The following WDR49 variants were observed in gnomAD, a reference collection of about 807,000 sequenced individuals.
WDR49 encodes the protein cilia- and flagella-associated protein 337.
A neutral mutation model predicts 119.5 loss-of-function variants in WDR49; 107 were observed. That is an observed-to-expected ratio of 0.90 (90% CI 0.77 to 1.05). WDR49 has a LOEUF of 1.05. Ranked by LOEUF, WDR49 falls within the 50% of genes least tolerant of loss-of-function variation. WDR49 has a pLI of 0.00. For missense variants in WDR49, 1,240 were observed against 1,220.5 expected (o/e 1.02, Z -0.24); for synonymous variants, 425 against 418.8 (o/e 1.01, Z -0.18).
intron 18 of WDR49, among the ~76,000 whole-genome samples, chr3:167,492,863 G>A (rs944919195): frequency 1.5e-5 from 2 of 133,514 alleles, no homozygotes; most frequent in South Asian, 2.4e-4. Context: ...ATAACTTATC[G>A]GGTATAAAAC....
chr3:167,641,623 G>C (rs931465448), intron 2 of WDR49, among the ~76,000 whole-genome samples: 1 of 151,838 alleles, frequency 6.6e-6, no homozygotes, highest in Admixed American at 6.6e-5. Context: ...TAACTTGGAA[G>C]TCCTATGTAG....
rs183184282 is a variant in WDR49, at chr3:167,500,341, G to C, written c.2885-42C>G. On this transcript the variant is annotated intron_variant, in intron 17 of 18. Transcript: ENST00000682715. ...TTTAGAGGAAGACAGGGAGAAAAAG[G>C]GTACAATATCATTAACTCCTTGGAA... The C allele has an allele frequency of 2.1e-5, 34 of 1,592,220 alleles. 1 individual carries two copies. In the Admixed American group the frequency reaches 3.2e-4, roughly 15 times the overall value.
intron 5 of WDR49, among the ~76,000 whole-genome samples, chr3:167,618,753 A>G (rs1183786219): frequency 6.6e-6 from 1 of 152,182 alleles, no homozygotes. Flanking sequence ...GCTAATACTA[A>G]ACTAAATTCC....
At chr3:167,595,720 A>C (rs1177013663) in intron 7 of WDR49, among the ~76,000 whole-genome samples, 1 of 152,148 alleles carries the variant, frequency 6.6e-6, no homozygotes, top group Non-Finnish European at 1.5e-5. Flanking sequence ...AAATCAATTC[A>C]AGATGGATTA....
chr3:167,603,010 A>G (rs890183091), intron 6 of WDR49, among the ~76,000 whole-genome samples: 15 of 152,174 alleles, frequency 9.9e-5, no homozygotes, highest in African/African-American at 3.4e-4. Context: ...TGCTCACACA[A>G]TGGAAAATCA....
At chr3:167,510,413 A>G (rs977427151) in intron 16 of WDR49, among the ~76,000 whole-genome samples, 2 of 152,148 alleles carry the variant, frequency 1.3e-5, no homozygotes, top group Admixed American at 1.3e-4. Context: ...TGTCCACTGT[A>G]GTTTTTTTTA....
In WDR49 at chr3:167,595,292, C is replaced by T. The variant is rs572762491; in HGVS notation, c.1275+6835G>A. Among the ~76,000 whole-genome samples the T allele has an allele frequency of 2.9e-3, 444 of 152,244 alleles. 3 individuals carry two copies. Among genetic ancestry groups the T allele is most frequent in the Non-Finnish European group, 4.7e-3 (323 of 68,026 alleles). On this transcript the variant is annotated intron_variant, in intron 7 of 18. Transcript: ENST00000682715. ...CAATATCGTGAAAATGGCCATACTG[C>T]CCAAGATAATTTACAGATTCAATGC...
chr3:167,630,706 A>G (rs980110096), intron 2 of WDR49, among the ~76,000 whole-genome samples: 2 of 152,166 alleles, frequency 1.3e-5, no homozygotes, highest in Non-Finnish European at 2.9e-5. Context: ...CTCTCTGAGA[A>G]CACTAAATTA....
chr3:167,510,461 T>A (rs1751929307), intron 16 of WDR49, among the ~76,000 whole-genome samples: 1 of 152,184 alleles, frequency 6.6e-6, no homozygotes, highest in Non-Finnish European at 1.5e-5. Context: ...TTTTAGAAGT[T>A]TTTTAAAGCT....
intron 16 of WDR49, among the ~76,000 whole-genome samples, chr3:167,512,129 C>T (rs1309860176): frequency 1.3e-5 from 2 of 152,164 alleles, no homozygotes; most frequent in African/African-American, 4.8e-5. Flanking sequence ...TTAAGAGGGT[C>T]CCTGATTCTG....
intron 5 of WDR49, among the ~76,000 whole-genome samples, chr3:167,608,257 A>G (rs1164932491): frequency 6.6e-6 from 1 of 152,362 alleles, no homozygotes; most frequent in African/African-American, 2.4e-5. Flanking sequence ...ACTATACAAC[A>G]TAATACTATA....
chr3:167,609,393 G>C (rs1022806346), intron 5 of WDR49, among the ~76,000 whole-genome samples: 1 of 152,140 alleles, frequency 6.6e-6, no homozygotes, highest in Non-Finnish European at 1.5e-5. Context: ...GGAACTGGGG[G>C]AGAGAGAGCA....
At position 167,543,632 on chromosome 3, in the gene WDR49, A is replaced by G. The variant is rs143320482; in HGVS notation, c.1824-6632T>C. ...CCCTCAGCAAAATCAGCATAGAATGAACATACTTCAAAGTAATAAAAGCCA... is the reference window on the plus strand; with the variant it reads ...CCCTCAGCAAAATCAGCATAGAATGGACATACTTCAAAGTAATAAAAGCCA... On this transcript the variant is annotated intron_variant, in intron 10 of 18. Coordinates refer to ENST00000682715, the MANE Select transcript of WDR49 (RefSeq NM_001366157.1). Among the ~76,000 whole-genome samples, 905 of 152,084 alleles carry G rather than the reference A, an allele frequency of 6.0e-3. 3 individuals are homozygous for G. The highest frequency in any genetic ancestry group is 8.1e-3 in the Admixed American group (124 of 15,246).
chr3:167,488,145 AACAC>A (rs57719248), intron 18 of WDR49, among the ~76,000 whole-genome samples: 35,650 of 135,946 alleles, frequency 0.26, 4,737 homozygotes, highest in East Asian at 0.35. Flanking sequence ...GATACACTCA[AACAC>A]ACACACACAC....
chr3:167,618,333 G>A (rs1716700681), intron 5 of WDR49, among the ~76,000 whole-genome samples: 1 of 152,116 alleles, frequency 6.6e-6, no homozygotes, highest in African/African-American at 2.4e-5. Flanking sequence ...TTTTCTGAGG[G>A]TTGAGTCTAT....
intron 8 of WDR49, among the ~76,000 whole-genome samples, chr3:167,560,600 A>C (rs1399031840): frequency 6.6e-6 from 1 of 152,220 alleles, no homozygotes; most frequent in Non-Finnish European, 1.5e-5. Context: ...TATGAAAAGA[A>C]ACATTTTATA....
At chr3:167,500,121 A>G in intron 18 of WDR49, 32 bp downstream of exon 18, 1 of 1,516,936 alleles carries the variant, frequency 6.6e-7, no homozygotes, top group Admixed American at 2.5e-5. Context: ...CTGAAGAGGG[A>G]TAATAGAGGT....
chr3:167,612,329 G>A (rs1479674810), intron 5 of WDR49, among the ~76,000 whole-genome samples: 1 of 151,580 alleles, frequency 6.6e-6, no homozygotes, highest in African/African-American at 2.4e-5. Flanking sequence ...AGTAAAAGCA[G>A]TACTAAGAGG....
intron 8 of WDR49, among the ~76,000 whole-genome samples, chr3:167,570,437 C>A (rs972872487): frequency 6.6e-6 from 1 of 152,064 alleles, no homozygotes; most frequent in Non-Finnish European, 1.5e-5. Flanking sequence ...GAAAATTATA[C>A]CTCATCCCTC....
Sources: allele counts gnomAD v4.1 joint callset (sites outside exome capture counted in the v4.1 genomes callset), GRCh38; gene constraint gnomAD v4.1.1; transcripts MANE v1.5; gene names NCBI Gene and HGNC (gene_info 2026-07-23, HGNC 2026-07-21).